CWC22: variants seen among roughly 807,000 people sequenced by gnomAD.
CWC22 encodes pre-mRNA-splicing factor CWC22 homolog.
Under a neutral mutation model 117.2 loss-of-function variants are expected in CWC22, and 53 were observed. That is an observed-to-expected ratio of 0.45 (90% CI 0.36 to 0.57). CWC22 has a LOEUF of 0.57. CWC22 is among the 20% of genes least tolerant of loss of function. CWC22 has a pLI of 0.00. For synonymous variants in CWC22, 360 were observed against 355.6 expected (o/e 1.01, Z -0.14); for missense variants, 980 against 1,068.8 (o/e 0.92, Z 1.16).
chr2:179,986,781 G>A lies in CWC22; in HGVS notation c.120C>T (p.Pro40=). 6.3e-7 allele frequency: 1 copy of A among 1,594,444 alleles called. No homozygotes were observed. Among genetic ancestry groups the A allele is most frequent in the Non-Finnish European group, 8.5e-7 (1 of 1,170,996 alleles). Residue 40 remains proline (P), a synonymous_variant, in exon 4 of 20, where the codon CCC becomes CCT. Transcript: ENST00000410053. ...EDRYEEQERS[P]RDRDYFDYSR... ...TGTAATCAAAGTAATCTCTATCCCG[G>A]GGGGATCGTTCTTGTTCTTCATATC... is the stretch of plus-strand genomic sequence containing the variant.
intron 14 of CWC22, among the ~76,000 whole-genome samples, chr2:179,955,913 G>A (rs1410903590): frequency 1.3e-5 from 2 of 151,954 alleles, no homozygotes; most frequent in African/African-American, 4.8e-5. Flanking sequence ...GAAAAAAGGT[G>A]TTAATTCATC....
Position 179,971,030 on chromosome 2 carries a change from C to T in CWC22, c.851G>A (p.Arg284Lys). 6.2e-7 allele frequency: 1 copy of T among 1,609,284 alleles called. No individual in the cohort carries two copies. The highest frequency in any genetic ancestry group is 1.1e-5 in the South Asian group (1 of 90,502). The change falls in exon 9 of 20, where the codon AGA becomes AAA. Residue 284 changes from arginine (R) to lysine (K), a missense_variant. Coordinates refer to ENST00000410053, the MANE Select transcript of CWC22 (RefSeq NM_020943.3). ...CLEMLTLLLERPTDDSVEVAI... is the reference protein window; with the variant it reads ...CLEMLTLLLEKPTDDSVEVAI... ...TACTTCAACGCTATCATCTGTTGGT[C>T]TTTCCAGGAGCAAAGTGAGCATCTC...
chr2:179,946,396 C>T (rs370588690), intron 19 of CWC22, among the ~76,000 whole-genome samples: 18 of 137,646 alleles, frequency 1.3e-4, no homozygotes, highest in Non-Finnish European at 2.1e-4. Flanking sequence ...GGTTGCAGTA[C>T]GCCAAGAATG....
In CWC22 at chr2:179,954,279, A is replaced by G. The variant is rs1354549581; in HGVS notation, c.1615T>C (p.Leu539=). The change falls in exon 16 of 20, where the codon TTG becomes CTG. Residue 539 remains leucine, a synonymous_variant. Transcript: ENST00000410053. ...FKEQYDTIHR[L]ETNKLRNVAK... ...ACATTTCGCAACTTGTTTGTTTCCA[A>G]GCGATGGATGGTATCATACTGTTCT... The G allele has an allele frequency of 6.2e-7, 1 of 1,610,980 alleles. No individual in the cohort carries two copies. The highest frequency in any genetic ancestry group is 1.3e-5 in the African/African-American group (1 of 74,834).
intron 6 of CWC22, among the ~76,000 whole-genome samples, chr2:179,975,691 A>G (rs944188975): frequency 1.3e-5 from 2 of 152,210 alleles, no homozygotes; most frequent in Non-Finnish European, 1.5e-5. Flanking sequence ...CTATGAAAAA[A>G]AAAGTTAGGA....
rs1223294776 is a variant in CWC22 at position 180,007,137 on chromosome 2, GGAA to G, written c.-387_-385del. ...TTCCTCTTCCCGAGCACCGACGGTA[GGAA>G]GAAGGCGAATAGTGAAATATTTAAA... On this transcript the variant is annotated 5_prime_UTR_variant, in exon 1 of 20. Coordinates refer to ENST00000410053, the MANE Select transcript of CWC22 (RefSeq NM_020943.3). 2.0e-5 allele frequency: 3 copies of G among 152,266 alleles called. No homozygotes were observed. The highest frequency in any genetic ancestry group is 2.9e-5 in the Non-Finnish European group (2 of 68,056). 9.4% of individuals were successfully genotyped at this position (152,266 alleles called of 1,614,324 possible).
chr2:179,952,356 G>C, intron 17 of CWC22, 115 bp downstream of exon 17: 1 of 601,030 alleles, frequency 1.7e-6, no homozygotes, highest in Non-Finnish European at 2.5e-6. Context: ...AATGGATGAA[G>C]AAAGTCTCAG....
In CWC22 at chr2:179,945,286, A is replaced by G. The variant is rs1167197142; in HGVS notation, c.2570T>C (p.Met857Thr). Reference protein sequence around the residue: ...RRKDRSKSKEMNRKHSGSRSD... With the variant: ...RRKDRSKSKETNRKHSGSRSD... ...TCTTGAGCCTGAGTGCTTTCTATTC[A>G]TTTCCTTTGACTTTGATCTATCTTT... The change falls in exon 20 of 20, where the codon ATG (methionine) becomes ACG (threonine). Residue 857 changes from methionine to threonine, a missense_variant. By Grantham distance (81) the Met-to-Thr change is moderately conservative. This residue lies in a region of CWC22 where 306 missense variants were observed against 296.8 expected (regional missense o/e 1.03). Transcript: ENST00000410053. 2 of 1,613,138 alleles carry G rather than the reference A, an allele frequency of 1.2e-6. No individual in the cohort carries two copies. The highest frequency in any genetic ancestry group is 2.2e-5 in the South Asian group (2 of 91,044).
intron 5 of CWC22, among the ~76,000 whole-genome samples, chr2:179,980,053 C>T (rs1306479955): frequency 1.3e-5 from 2 of 152,188 alleles, no homozygotes; most frequent in African/African-American, 2.4e-5. Flanking sequence ...ATTGCTGACT[C>T]TCCTGTGTGC....
chr2:179,977,658 C>A (rs1687184409), intron 6 of CWC22, among the ~76,000 whole-genome samples: 1 of 152,006 alleles, frequency 6.6e-6, no homozygotes, highest in Admixed American at 6.6e-5. Flanking sequence ...ATATTTTGAC[C>A]ACAGTTAATA....
At chr2:180,003,882 T>A (rs375354069) in intron 1 of CWC22, among the ~76,000 whole-genome samples, 34 of 152,360 alleles carry the variant, frequency 2.2e-4, no homozygotes, top group African/African-American at 8.2e-4. Context: ...TTATTAACTT[T>A]ATTATATAAA....
intron 13 of CWC22, among the ~76,000 whole-genome samples, chr2:179,961,212 C>G (rs1452799818): frequency 6.6e-6 from 1 of 151,956 alleles, no homozygotes; most frequent in South Asian, 2.1e-4. Flanking sequence ...AGAGAATTAG[C>G]AAACTCAATT....
chr2:179,967,088 T>G (rs1444971907), intron 11 of CWC22, among the ~76,000 whole-genome samples: 1 of 152,200 alleles, frequency 6.6e-6, no homozygotes, highest in Non-Finnish European at 1.5e-5. Context: ...TAAAAGAAAC[T>G]ATTTAGTATT....
At chr2:179,954,409 G>C in intron 15 of CWC22, 52 bp from the exon 16 acceptor site, 3 of 1,141,112 alleles carry the variant, frequency 2.6e-6, no homozygotes, top group Admixed American at 2.3e-5. Flanking sequence ...ATACAATTAT[G>C]AGCATATTAA....
chr2:180,000,401 ATACT>A (rs1687816820), intron 1 of CWC22, among the ~76,000 whole-genome samples: 2 of 152,174 alleles, frequency 1.3e-5, no homozygotes, highest in Admixed American at 1.3e-4. Context: ...TACTGACTTG[ATACT>A]TAATGTGACT....
At chr2:179,968,332 C>G (rs1363507053) in intron 11 of CWC22, among the ~76,000 whole-genome samples, 1 of 152,052 alleles carries the variant, frequency 6.6e-6, no homozygotes, top group Non-Finnish European at 1.5e-5. Context: ...TCTGAAAAGG[C>G]TGTTAAAATA....
chr2:179,994,691 C>CT (rs746676736), intron 1 of CWC22, among the ~76,000 whole-genome samples: 9 of 152,202 alleles, frequency 5.9e-5, no homozygotes, highest in Non-Finnish European at 1.3e-4. Flanking sequence ...CACATCACTG[C>CT]TTATGTACGA....
intron 3 of CWC22, among the ~76,000 whole-genome samples, chr2:179,987,728 TAC>T (rs1687456807): frequency 1.3e-5 from 2 of 152,204 alleles, no homozygotes; most frequent in Admixed American, 6.5e-5. Flanking sequence ...AAATTTTTTT[TAC>T]AGTCATTATT....
At chr2:179,978,113 G>C in intron 6 of CWC22, 77 bp downstream of exon 6, 1 of 1,294,260 alleles carries the variant, frequency 7.7e-7, no homozygotes, top group Non-Finnish European at 1.0e-6. Context: ...ATAAATCAAT[G>C]ATTATTGTTC....
Sources: allele counts gnomAD v4.1 joint callset (sites outside exome capture counted in the v4.1 genomes callset), GRCh38; gene constraint gnomAD v4.1.1; regional missense constraint gnomAD v4.1.1; transcripts MANE v1.5; gene names NCBI Gene and HGNC (gene_info 2026-07-23, HGNC 2026-07-21).